The following ZNF518B variants were observed in gnomAD, a reference collection of about 807,000 sequenced individuals.
ZNF518B encodes the protein zinc finger protein 518B.
ZNF518B carries 23 observed loss-of-function variants against 56.3 expected under a neutral mutation model. That is an observed-to-expected ratio of 0.41 (90% CI 0.29 to 0.58). The LOEUF (loss-of-function observed/expected upper bound fraction) is 0.58. Ranked by LOEUF, ZNF518B falls within the 20% of genes least tolerant of loss-of-function variation. ZNF518B has a pLI of 0.32. For synonymous variants in ZNF518B, 529 were observed against 465.9 expected, an observed-to-expected ratio of 1.14 and a Z score of -1.74; for missense variants, 1,460 against 1,272.1, an observed-to-expected ratio of 1.15 and a Z score of -2.25.
upstream of ZNF518B, among the ~76,000 whole-genome samples, chr4:10,460,081 G>C (rs982434896): frequency 6.6e-6 from 1 of 151,902 alleles, no homozygotes; most frequent in African/African-American, 2.4e-5. Context: ...GAGGCGGGCA[G>C]ATCACCTGAG....
chr4:10,455,530 A>C (rs1442976894), intron 1 of ZNF518B, among the ~76,000 whole-genome samples: 1 of 152,186 alleles, frequency 6.6e-6, no homozygotes, highest in Non-Finnish European at 1.5e-5. Context: ...GACAAAAATA[A>C]AATGTTCTTT....
At chr4:10,449,125 C>T (rs1406434749) in intron 2 of ZNF518B, among the ~76,000 whole-genome samples, 1 of 152,154 alleles carries the variant, frequency 6.6e-6, no homozygotes, top group African/African-American at 2.4e-5. Context: ...AGCCAGAACC[C>T]AAGAAAACCA....
upstream of ZNF518B, among the ~76,000 whole-genome samples, chr4:10,460,069 C>G (rs1331627892): frequency 6.6e-6 from 1 of 151,954 alleles, no homozygotes; most frequent in Non-Finnish European, 1.5e-5. Flanking sequence ...CTTTGGGAGG[C>G]CGAGGCGGGC....
At chr4:10,446,825 C>T (rs890897545) in intron 2 of ZNF518B, among the ~76,000 whole-genome samples, 3 of 152,162 alleles carry the variant, frequency 2.0e-5, no homozygotes, top group African/African-American at 7.2e-5. Flanking sequence ...AGCCTTTGGT[C>T]AGGGAAAGTC....
At chr4:10,448,359 C>T (rs1479070951) in intron 2 of ZNF518B, among the ~76,000 whole-genome samples, 2 of 152,006 alleles carry the variant, frequency 1.3e-5, no homozygotes, top group Non-Finnish European at 2.9e-5. Flanking sequence ...TCTGAAAGAC[C>T]GACGTCGGGG....
rs974621130 is a variant in ZNF518B, at chr4:10,440,320, T to C, written c.*2784A>G. ...TTTTTTAACTTTTACTGTATTTGCCTATATCCTAAATATAACAATCTCTCA... is the reference window on the plus strand; with the variant it reads ...TTTTTTAACTTTTACTGTATTTGCCCATATCCTAAATATAACAATCTCTCA... On this transcript the variant is annotated 3_prime_UTR_variant, in exon 3 of 3. Coordinates refer to ENST00000326756, the MANE Select transcript of ZNF518B (RefSeq NM_053042.3). 12 of 152,350 alleles carry C rather than the reference T, an allele frequency of 7.9e-5. No homozygotes were observed. The highest frequency in any genetic ancestry group is 7.9e-4 in the Admixed American group (12 of 15,250). The allele number at this position is 152,350 out of a possible 1,614,324, so 9.4% of individuals were successfully genotyped here. A position where few individuals can be genotyped will look rare whatever the true frequency, so the allele number is the denominator to read the frequency against.
chr4:10,452,443 T>A (rs1261461843), intron 2 of ZNF518B: 1 of 152,122 alleles, frequency 6.6e-6, no homozygotes, highest in Non-Finnish European at 1.5e-5. Context: ...GTAACCAAAT[T>A]TTTAAAACAA....
chr4:10,459,816 AC>A (rs1715686645), upstream of ZNF518B, among the ~76,000 whole-genome samples: 1 of 151,978 alleles, frequency 6.6e-6, no homozygotes, highest in African/African-American at 2.4e-5. Context: ...GGCCCTGTGG[AC>A]CCCTTGATTT....
chr4:10,450,695 A>G (rs972298725), intron 2 of ZNF518B, among the ~76,000 whole-genome samples: 1 of 152,158 alleles, frequency 6.6e-6, no homozygotes, highest in South Asian at 2.1e-4. Flanking sequence ...ACAAAAAGAC[A>G]CCGGAGACAA....
chr4:10,446,020 A>G lies in ZNF518B; in HGVS notation c.309T>C (p.Asn103=), dbSNP rs1251639097. Residue 103 remains asparagine, a synonymous_variant, in exon 3 of 3, where the codon AAT becomes AAC. Coordinates refer to ENST00000326756, the MANE Select transcript of ZNF518B (RefSeq NM_053042.3). ...TTCCAACATGAGTCGCACTGGAATT[A>G]TTGCTCACAAAATGAAAATTGGGAG... ...AAPPNFHFVS[N]NSSATHVGNK... is the part of the protein sequence containing the mutation. 2 of 1,614,146 alleles carry G rather than the reference A, an allele frequency of 1.2e-6. No individual in the cohort carries two copies. The highest frequency in any genetic ancestry group is 2.2e-5 in the South Asian group (2 of 91,084).
At chr4:10,456,257 G>C (rs1007928084) in intron 1 of ZNF518B, among the ~76,000 whole-genome samples, 3 of 151,702 alleles carry the variant, frequency 2.0e-5, no homozygotes, top group East Asian at 3.9e-4. Context: ...CAGAGGTATT[G>C]TAACGGGATA....
upstream of ZNF518B, among the ~76,000 whole-genome samples, chr4:10,458,318 TAA>T (rs1715633392): frequency 6.6e-6 from 1 of 151,856 alleles, no homozygotes; most frequent in African/African-American, 2.4e-5. Context: ...GATGAACAGC[TAA>T]AGTTTATTTC....
At chr4:10,452,328 G>C (rs1321025260) in intron 2 of ZNF518B, 3 of 152,090 alleles carry the variant, frequency 2.0e-5, no homozygotes, top group Non-Finnish European at 4.4e-5. Flanking sequence ...ATGCAAACTA[G>C]ATAATGTATG....
upstream of ZNF518B, among the ~76,000 whole-genome samples, chr4:10,461,099 G>C (rs1023976815): frequency 1.3e-5 from 2 of 152,232 alleles, no homozygotes; most frequent in Non-Finnish European, 2.9e-5. Flanking sequence ...TGTAGAGCCC[G>C]AATCCCGAAC....
chr4:10,449,920 G>A (rs1344716062), intron 2 of ZNF518B, among the ~76,000 whole-genome samples: 3 of 152,012 alleles, frequency 2.0e-5, no homozygotes, highest in Non-Finnish European at 4.4e-5. Flanking sequence ...ATCCCAGAAG[G>A]CACTTTTGCC....
chr4:10,445,609 TG>T lies in ZNF518B; in HGVS notation c.719del (p.Pro240GlnfsTer4), dbSNP rs758611556. The stretch of plus-strand genomic sequence containing the variant: ...GTGGATTGGAAGCTTTTAGAAGCTC[TG>T]GGTTTTGTTTTGAAGTTCCGGTTCT... ...PKRTGTSKQN[P>X]ELLKASNPRT... On this transcript the variant is annotated frameshift_variant, in exon 3 of 3. Transcript: ENST00000326756. LOFTEE classifies it high-confidence loss of function. 1 of 1,614,198 alleles carries T rather than the reference TG, an allele frequency of 6.2e-7. No individual in the cohort carries two copies. Among genetic ancestry groups the T allele is most frequent in the Non-Finnish European group, 8.5e-7 (1 of 1,180,042 alleles).
At position 10,444,769 on chromosome 4, in the gene ZNF518B, T is replaced by C; in HGVS notation, c.1560A>G (p.Leu520=). The C allele has an allele frequency of 6.2e-7, 1 of 1,613,780 alleles. No homozygotes were observed. The highest frequency in any genetic ancestry group is 1.1e-5 in the South Asian group (1 of 91,054). The part of the protein sequence containing the change: ...AVCFAESGRN[L]HSSSQQLLPF... Reference sequence around the variant, plus strand: ...GGAGTAACTGCTGTGAGCTACTGTGTAAATTTCTTCCACTTTCAGCAAAAC... The same window carrying C: ...GGAGTAACTGCTGTGAGCTACTGTGCAAATTTCTTCCACTTTCAGCAAAAC... The change falls in exon 3 of 3, where the codon TTA becomes TTG. Residue 520 remains leucine, a synonymous_variant. Coordinates refer to ENST00000326756, the MANE Select transcript of ZNF518B (RefSeq NM_053042.3).
At chr4:10,460,194 A>C (rs112880951), upstream of ZNF518B, among the ~76,000 whole-genome samples, 12,489 of 150,750 alleles carry the variant, frequency 0.083, 554 homozygotes, top group Non-Finnish European at 0.097. Flanking sequence ...AATCCCAGCT[A>C]CTCAGGAGGC....
chr4:10,458,609 ACCTCGGT>A (rs1715643829), upstream of ZNF518B, among the ~76,000 whole-genome samples: 1 of 152,182 alleles, frequency 6.6e-6, no homozygotes, highest in Admixed American at 6.5e-5. Flanking sequence ...AGTGCTCCTA[ACCTCGGT>A]CCTGATCAGG....
Sources: gnomAD v4.1 joint callset for allele counts (sites outside exome capture counted in the v4.1 genomes callset) on GRCh38, gnomAD v4.1.1 for gene constraint, MANE v1.5 for transcripts, NCBI Gene and HGNC (gene_info 2026-07-23, HGNC 2026-07-21) for gene names.